KIAA1217: variants seen among roughly 807,000 people sequenced by gnomAD.
KIAA1217 encodes the protein sickle tail protein homolog.
Under a neutral mutation model 163.9 loss-of-function variants are expected in KIAA1217, and 88 were observed. The observed-to-expected ratio is 0.54, with a 90% CI of 0.45 to 0.64. The LOEUF (loss-of-function observed/expected upper bound fraction) is 0.64, where lower values mean the gene tolerates loss of function less well. KIAA1217 is among the 30% of genes least tolerant of loss of function. KIAA1217 has a pLI of 0.00. For synonymous variants in KIAA1217, 903 were observed against 923.1 expected, an observed-to-expected ratio of 0.98 and a Z score of 0.39; for missense variants, 2,372 against 2,475.0, an observed-to-expected ratio of 0.96 and a Z score of 0.88.
chr10:24,057,102 C>T (rs2060557029), intron 2 of KIAA1217, among the ~76,000 whole-genome samples: 1 of 151,996 alleles, frequency 6.6e-6, no homozygotes, highest in African/African-American at 2.4e-5. Context: ...TTTAAATTAG[C>T]TAAGCATCAT....
intron 1 of KIAA1217, among the ~76,000 whole-genome samples, chr10:23,805,495 G>C (rs530830369): frequency 6.6e-6 from 1 of 152,252 alleles, no homozygotes; most frequent in South Asian, 2.1e-4. Context: ...TGGACACATA[G>C]AGGGGAACAA....
At position 24,167,876 on chromosome 10, in the gene KIAA1217, T is replaced by C. The variant is rs74123656; in HGVS notation, c.-170-51750T>C. ...AAGTCCTTCATGTTATGTCATCCAG[T>C]GGTGGAAGGAGCAAGTGAGTGCAAG... On this transcript the variant is annotated intron_variant, in intron 2 of 18. Transcript: ENST00000376462. Among the ~76,000 whole-genome samples, 216 of 152,262 alleles carry C rather than the reference T, an allele frequency of 1.4e-3. 1 individual carries two copies. Among genetic ancestry groups the C allele is most frequent in the African/African-American group, 4.9e-3 (202 of 41,548 alleles).
At position 24,436,104 on chromosome 10, in the gene KIAA1217, G is replaced by T. The variant is rs184778573; in HGVS notation, c.753-2282G>T. ...TCGAACTCCTGACCTCAAGTGATCT[G>T]CCCACCTCGGCCTCCCAAAGTGCTG... On this transcript the variant is annotated intron_variant, in intron 4 of 20. Coordinates refer to ENST00000376454, the MANE Select transcript of KIAA1217 (RefSeq NM_019590.5). Among the ~76,000 whole-genome samples the T allele has an allele frequency of 2.5e-4, 38 of 152,056 alleles. No homozygotes were observed. In the East Asian group the frequency reaches 7.2e-3, roughly 29 times the overall value.
At chr10:24,062,501 G>C (rs1214240401) in intron 2 of KIAA1217, among the ~76,000 whole-genome samples, 18 of 151,338 alleles carry the variant, frequency 1.2e-4, no homozygotes, top group East Asian at 1.9e-4. Context: ...GTATTCCATG[G>C]TGTATATGTG....
intron 1 of KIAA1217, among the ~76,000 whole-genome samples, chr10:23,947,093 A>G (rs1435890540): frequency 1.3e-5 from 2 of 152,160 alleles, no homozygotes; most frequent in Non-Finnish European, 2.9e-5. Flanking sequence ...TTCTGCCATG[A>G]TTGTAAGTTT....
intron 1 of KIAA1217, among the ~76,000 whole-genome samples, chr10:23,928,542 A>G (rs1843124680): frequency 6.6e-6 from 1 of 152,150 alleles, no homozygotes; most frequent in Non-Finnish European, 1.5e-5. Context: ...ACATTACTCT[A>G]GGGCCTGGGG....
chr10:24,039,376 T>C (rs892973809), intron 2 of KIAA1217, among the ~76,000 whole-genome samples: 1 of 152,092 alleles, frequency 6.6e-6, no homozygotes, highest in Non-Finnish European at 1.5e-5. Context: ...GTAGAAACCA[T>C]ACTTTGAATT....
Position 24,494,405 on chromosome 10 carries a change from G to A in KIAA1217, c.1680-95G>A, listed in dbSNP as rs7090224. Reference sequence around the variant, plus strand: ...TGGGTGAACTTCCACGGCCTTCTAGGTGGTACCTTTTATAACCCTCAGGTG... The same window carrying A: ...TGGGTGAACTTCCACGGCCTTCTAGATGGTACCTTTTATAACCCTCAGGTG... On this transcript the variant is annotated intron_variant, in intron 6 of 20. Transcript: ENST00000376454. The A allele has an allele frequency of 9.0e-3, 8,982 of 993,590 alleles. 298 individuals carry two copies. In the African/African-American group the frequency reaches 0.093, roughly 10 times the overall value. The allele number at this position is 993,590 out of a possible 1,614,324, so 61.5% of individuals were successfully genotyped here.
At chr10:23,968,238 T>C (rs1245312652) in intron 1 of KIAA1217, among the ~76,000 whole-genome samples, 1 of 152,208 alleles carries the variant, frequency 6.6e-6, no homozygotes, top group East Asian at 1.9e-4. Context: ...TAAAACATTC[T>C]AAGTATACAT....
intron 1 of KIAA1217, among the ~76,000 whole-genome samples, chr10:23,805,664 A>G (rs1344947888): frequency 6.6e-6 from 1 of 152,112 alleles, no homozygotes; most frequent in East Asian, 1.9e-4. Context: ...AACATGTACC[A>G]CTGAACTTAA....
intron 1 of KIAA1217, among the ~76,000 whole-genome samples, chr10:23,769,198 G>C (rs891253803): frequency 6.6e-6 from 1 of 152,192 alleles, no homozygotes; most frequent in Non-Finnish European, 1.5e-5. Flanking sequence ...AGTGCTGGTT[G>C]GTTGGGTGGA....
At chr10:24,271,847 T>A (rs573788900) in intron 2 of KIAA1217, among the ~76,000 whole-genome samples, 1 of 152,216 alleles carries the variant, frequency 6.6e-6, no homozygotes, top group South Asian at 2.1e-4. Context: ...CTATATATAT[T>A]TCTTGGTCCC....
intron 2 of KIAA1217, among the ~76,000 whole-genome samples, chr10:24,275,096 C>A (rs1254057291): frequency 1.3e-5 from 2 of 152,082 alleles, no homozygotes; most frequent in Non-Finnish European, 2.9e-5. Context: ...CGCCACCATG[C>A]CCAGCTAATT....
At chr10:24,334,033 A>C (rs1043026236) in intron 2 of KIAA1217, among the ~76,000 whole-genome samples, 7 of 152,320 alleles carry the variant, frequency 4.6e-5, no homozygotes, top group Admixed American at 3.3e-4. Flanking sequence ...ATTACTAAAC[A>C]TGGAGATAAG....
intron 1 of KIAA1217, among the ~76,000 whole-genome samples, chr10:23,934,575 A>ATGTGTG (rs1420302818): frequency 7.6e-5 from 5 of 65,964 alleles, no homozygotes; most frequent in African/African-American, 3.8e-4. Context: ...ATATATATAT[A>ATGTGTG]TATATATATA....
Position 24,473,696 on chromosome 10 carries a change from T to A in KIAA1217, c.1315T>A (p.Ser439Thr). The A allele has an allele frequency of 6.2e-7, 1 of 1,613,916 alleles. No individual in the cohort carries two copies. The highest frequency in any genetic ancestry group is 1.1e-5 in the South Asian group (1 of 91,066). ...IRSASAYCNPSMQAEMHMEQS... is the reference protein window; with the variant it reads ...IRSASAYCNPTMQAEMHMEQS... ...GTCAGCGAGTGCTTATTGTAACCCCTCAATGCAAGCGGAAATGCATATGGA... is the reference window on the plus strand; with the variant it reads ...GTCAGCGAGTGCTTATTGTAACCCCACAATGCAAGCGGAAATGCATATGGA... The change falls in exon 6 of 21, where the codon TCA becomes ACA. Residue 439 changes from serine to threonine, a missense_variant. Around this residue, in one of 3 missense-constraint regions of KIAA1217, gnomAD observed 1,431 missense variants for 1,470.3 expected, o/e 0.97. Coordinates refer to ENST00000376454, the MANE Select transcript of KIAA1217 (RefSeq NM_019590.5).
chr10:24,345,811 A>G (rs925860022), intron 2 of KIAA1217, among the ~76,000 whole-genome samples: 2 of 151,812 alleles, frequency 1.3e-5, no homozygotes, highest in African/African-American at 2.4e-5. Flanking sequence ...TTTAAATTGT[A>G]GTAAAATACA....
intron 8 of KIAA1217, among the ~76,000 whole-genome samples, chr10:24,500,221 T>TGTGTGTC (rs556967529): frequency 5.8e-5 from 6 of 102,774 alleles, no homozygotes; most frequent in Middle Eastern, 5.8e-3. Flanking sequence ...GTGTGTGTCT[T>TGTGTGTC]TATTAGTAAC....
chr10:24,129,504 G>T (rs2063578642), intron 2 of KIAA1217, among the ~76,000 whole-genome samples: 1 of 152,082 alleles, frequency 6.6e-6, no homozygotes, highest in South Asian at 2.1e-4. Flanking sequence ...TAATTCAAAT[G>T]TCTTTAAAGT....
Sources: allele counts gnomAD v4.1 joint callset (sites outside exome capture counted in the v4.1 genomes callset), GRCh38; gene constraint gnomAD v4.1.1; regional missense constraint gnomAD v4.1.1; transcripts MANE v1.5; gene names NCBI Gene and HGNC (gene_info 2026-07-23, HGNC 2026-07-21).